Variants in BLOC1S2 observed in about 807,000 individuals in gnomAD.
BLOC1S2 encodes the protein biogenesis of lysosome-related organelles complex 1 subunit 2.
Under a neutral mutation model 19.6 loss-of-function variants are expected in BLOC1S2, and 12 were observed. The ratio of observed to expected loss-of-function variants is 0.61; its 90% CI spans 0.39 to 0.99. The LOEUF is 0.99. Among genes scored for constraint, BLOC1S2 ranks in the 50% least tolerant of loss-of-function variants. BLOC1S2 has a pLI of 0.00. For synonymous variants in BLOC1S2, 66 were observed against 64.1 expected (o/e 1.03, Z -0.14); for missense variants, 142 against 171.0 (o/e 0.83, Z 0.95).
In BLOC1S2 at chr10:100,280,934, A is replaced by G. The variant is rs779882769; in HGVS notation, c.292T>C (p.Tyr98His). 1 of 1,608,004 alleles carries G rather than the reference A, an allele frequency of 6.2e-7. No individual in the cohort carries two copies. ...TTTAATTACAAATATTATTACTTAC[A>G]TTTCTGGTTTAAGTCCTTTAAGTTC... is the stretch of plus-strand genomic sequence containing the variant. ...SRNLKDLNQK[Y>H]AGLQPYLDQI... The change falls in exon 3 of 5, where the codon TAT becomes CAT. Residue 98 changes from tyrosine (Y) to histidine (H), a missense_variant and splice_region_variant. Tyr to His is a moderately conservative substitution (Grantham distance 83, BLOSUM62 2). Around this residue, in one of 2 missense-constraint regions of BLOC1S2, gnomAD observed 94 missense variants for 141.3 expected, o/e 0.67. Coordinates refer to ENST00000370372, the MANE Select transcript of BLOC1S2 (RefSeq NM_173809.5).
intron 4 of BLOC1S2, among the ~76,000 whole-genome samples, chr10:100,276,350 TCTCC>T (rs1847855689): frequency 4.9e-5 from 3 of 61,074 alleles, no homozygotes; most frequent in South Asian, 1.2e-3. Flanking sequence ...CCCTCTCCCG[TCTCC>T]CTCTCCCGTC....
chr10:100,275,120 T>C lies in BLOC1S2; in HGVS notation c.*342A>G. The C allele has an allele frequency of 2.5e-6, 1 of 402,430 alleles. No homozygotes were observed. Among genetic ancestry groups the C allele is most frequent in the South Asian group, 1.2e-4 (1 of 8,192 alleles). 24.9% of individuals were successfully genotyped at this position (402,430 alleles called of 1,614,324 possible). A position where few individuals can be genotyped will look rare whatever the true frequency, so the allele number is the denominator to read the frequency against. On this transcript the variant is annotated 3_prime_UTR_variant, in exon 5 of 5. Coordinates refer to ENST00000370372, the MANE Select transcript of BLOC1S2 (RefSeq NM_173809.5). ...AAACCAGCCACTTAAGAAAATAATG[T>C]AGTAATCAACCACTACCAGAGAAAA...
intron 2 of BLOC1S2, among the ~76,000 whole-genome samples, chr10:100,284,227 C>T (rs1848179659): frequency 6.6e-6 from 1 of 152,230 alleles, no homozygotes; most frequent in South Asian, 2.1e-4. Context: ...TTTTAAGAGG[C>T]AGCTGCTCAG....
In BLOC1S2 at chr10:100,280,886, A is replaced by G. The variant is rs549616913; in HGVS notation, c.292+48T>C. On this transcript the variant is annotated intron_variant, in intron 3 of 4. Transcript: ENST00000370372. ...CCTCTTCTCCATGGCCCCAAGCACAAAAGAACATTAAATACAAACATGTTT... is the reference window on the plus strand; with the variant it reads ...CCTCTTCTCCATGGCCCCAAGCACAGAAGAACATTAAATACAAACATGTTT... The G allele has an allele frequency of 2.6e-5, 40 of 1,562,546 alleles. No individual in the cohort carries two copies. The South Asian group carries it at 4.4e-4, about 17-fold the overall frequency.
chr10:100,285,798 C>T (rs1017467105), intron 2 of BLOC1S2, among the ~76,000 whole-genome samples: 1 of 152,194 alleles, frequency 6.6e-6, no homozygotes, highest in African/African-American at 2.4e-5. Context: ...TCATCTCCCC[C>T]TTTTCCACCA....
rs549833117 is a variant in BLOC1S2, at chr10:100,274,745, C to G, written c.*717G>C. ...TTTATGAGTGGCAATCGTCACCTCC[C>G]TACCCAACACATAAACACACATACC... On this transcript the variant is annotated 3_prime_UTR_variant, in exon 5 of 5. Coordinates refer to ENST00000370372, the MANE Select transcript of BLOC1S2 (RefSeq NM_173809.5). The G allele has an allele frequency of 2.8e-5, 11 of 389,224 alleles. No homozygotes were observed. The highest frequency in any genetic ancestry group is 1.9e-4 in the African/African-American group (9 of 48,578). The allele number at this position is 389,224 out of a possible 1,614,324, so 24.1% of individuals were successfully genotyped here.
chr10:100,286,225 G>A lies in BLOC1S2; in HGVS notation c.56-12C>T. The A allele has an allele frequency of 6.2e-7, 1 of 1,613,156 alleles. No individual in the cohort carries two copies. Among genetic ancestry groups the A allele is most frequent in the Non-Finnish European group, 8.5e-7 (1 of 1,179,550 alleles). ...CACGGCGGCATCGTCTGGGCCAAGGGAGAATGACTAAGTGTCCCGCCTACA... is the reference window on the plus strand; with the variant it reads ...CACGGCGGCATCGTCTGGGCCAAGGAAGAATGACTAAGTGTCCCGCCTACA... On this transcript the variant is annotated splice_polypyrimidine_tract_variant and intron_variant, in intron 1 of 4. Coordinates refer to ENST00000370372, the MANE Select transcript of BLOC1S2 (RefSeq NM_173809.5).
intron 2 of BLOC1S2, chr10:100,282,832 CT>C (rs1198932754): frequency 4.3e-5 from 17 of 398,398 alleles, no homozygotes; most frequent in Non-Finnish European, 6.2e-5. Flanking sequence ...AACCTAGGTA[CT>C]TTAAGTGTTA....
chr10:100,280,053 A>G (rs1264575412), intron 4 of BLOC1S2, 71 bp downstream of exon 4: 1 of 1,202,766 alleles, frequency 8.3e-7, no homozygotes, highest in East Asian at 2.3e-5. Flanking sequence ...AATGTTAACT[A>G]TTATGTTTAC....
intron 2 of BLOC1S2, among the ~76,000 whole-genome samples, chr10:100,284,980 G>A (rs1362970356): frequency 6.6e-6 from 1 of 151,930 alleles, no homozygotes; most frequent in Non-Finnish European, 1.5e-5. Flanking sequence ...AGCCTGGGTG[G>A]TGCCATCAAC....
intron 4 of BLOC1S2, among the ~76,000 whole-genome samples, chr10:100,278,070 C>A (rs1221860863): frequency 2.1e-5 from 3 of 144,004 alleles, no homozygotes; most frequent in Non-Finnish European, 4.6e-5. Context: ...GGGGCTCAGC[C>A]CCCCGCCGGG....
At chr10:100,276,891 A>G (rs1185049359) in intron 4 of BLOC1S2, among the ~76,000 whole-genome samples, 3 of 152,160 alleles carry the variant, frequency 2.0e-5, no homozygotes, top group South Asian at 2.1e-4. Flanking sequence ...GCCCCCCCAA[A>G]GTGCGGAGAT....
chr10:100,284,226 G>A (rs1378470123), intron 2 of BLOC1S2, among the ~76,000 whole-genome samples: 1 of 152,230 alleles, frequency 6.6e-6, no homozygotes, highest in African/African-American at 2.4e-5. Context: ...CTTTTAAGAG[G>A]CAGCTGCTCA....
intron 2 of BLOC1S2, 118 bp from the exon 3 acceptor site, chr10:100,281,171 C>T: frequency 8.4e-7 from 1 of 1,194,566 alleles, no homozygotes; most frequent in Non-Finnish European, 1.2e-6. Flanking sequence ...AAGGAGTGGG[C>T]CACTTTTGAT....
intron 3 of BLOC1S2, 33 bp from the exon 4 acceptor site, chr10:100,280,261 T>C: frequency 6.5e-7 from 1 of 1,538,096 alleles, no homozygotes; most frequent in Non-Finnish European, 8.9e-7. Context: ...CATGTTTATA[T>C]GGCTTTATTA....
intron 2 of BLOC1S2, among the ~76,000 whole-genome samples, chr10:100,284,213 G>A (rs1848179359): frequency 6.6e-6 from 1 of 152,246 alleles, no homozygotes; most frequent in Non-Finnish European, 1.5e-5. Flanking sequence ...GATAGCACTA[G>A]TCCTTTTAAG....
At chr10:100,284,594 G>A (rs191729994) in intron 2 of BLOC1S2, among the ~76,000 whole-genome samples, 1 of 152,202 alleles carries the variant, frequency 6.6e-6, no homozygotes, top group Non-Finnish European at 1.5e-5. Flanking sequence ...CAGGTCAAGC[G>A]ATTCTCCCGT....
chr10:100,277,341 C>A (rs1238027209), intron 4 of BLOC1S2, among the ~76,000 whole-genome samples: 2 of 150,042 alleles, frequency 1.3e-5, no homozygotes, highest in East Asian at 3.9e-4. Context: ...TGGGGGTCAG[C>A]CCCCCGCCCG....
intron 2 of BLOC1S2, among the ~76,000 whole-genome samples, chr10:100,281,740 ACAC>A (rs1564873827): frequency 6.6e-6 from 1 of 150,810 alleles, no homozygotes; most frequent in Non-Finnish European, 1.5e-5. Flanking sequence ...ACACACACAC[ACAC>A]ACTATCAGCT....
Sources: gnomAD v4.1 joint callset for allele counts (sites outside exome capture counted in the v4.1 genomes callset) on GRCh38, gnomAD v4.1.1 for gene constraint, gnomAD v4.1.1 regional missense constraint, MANE v1.5 for transcripts, NCBI Gene and HGNC (gene_info 2026-07-23, HGNC 2026-07-21) for gene names.